SHANK2: variants seen among roughly 807,000 people sequenced by gnomAD.
The protein encoded by SHANK2 is SH3 and multiple ankyrin repeat domains protein 2.
Under a neutral mutation model 133.7 loss-of-function variants are expected in SHANK2, and 43 were observed. The ratio of observed to expected loss-of-function variants is 0.32; its 90% CI spans 0.25 to 0.41. The LOEUF (loss-of-function observed/expected upper bound fraction) is 0.41. Ranked by LOEUF, SHANK2 falls within the 10% of genes least tolerant of loss-of-function variation. The pLI, the probability that SHANK2 is intolerant of heterozygous loss-of-function variation, is 1.00. For missense variants in SHANK2, 1,994 were observed against 2,235.8 expected, an observed-to-expected ratio of 0.89 and a Z score of 2.18; for synonymous variants, 1,017 against 952.8, an observed-to-expected ratio of 1.07 and a Z score of -1.24.
intron 10 of SHANK2, among the ~76,000 whole-genome samples, chr11:70,928,820 A>T (rs1555082044): frequency 6.6e-6 from 1 of 152,120 alleles, no homozygotes; most frequent in African/African-American, 2.4e-5. Context: ...CTGCCTTCAA[A>T]CCCCCACACC....
intron 14 of SHANK2, among the ~76,000 whole-genome samples, chr11:70,789,878 C>T (rs782314684): frequency 6.6e-6 from 1 of 152,198 alleles, no homozygotes; most frequent in Non-Finnish European, 1.5e-5. Flanking sequence ...GAATGGTGCT[C>T]ACTGATAGTC....
At position 70,801,624 on chromosome 11, in the gene SHANK2, G is replaced by A. The variant is rs142931979; in HGVS notation, c.1664-3068C>T. On this transcript the variant is annotated intron_variant, in intron 13 of 25. Transcript: ENST00000601538. ...AGACTCCACACCCTGGGTAAGAAGA[G>A]GTGGAGGAGAAGAGGAAGTCCCCAT... Among the ~76,000 whole-genome samples, 43 of 152,316 alleles carry A rather than the reference G, an allele frequency of 2.8e-4. No homozygotes were observed. In the East Asian group the frequency reaches 4.6e-3, roughly 16 times the overall value.
intron 12 of SHANK2, among the ~76,000 whole-genome samples, chr11:70,809,184 G>A (rs1383114748): frequency 6.6e-6 from 1 of 152,226 alleles, no homozygotes; most frequent in Non-Finnish European, 1.5e-5. Flanking sequence ...AGAAAGACAG[G>A]GAAAGTGTCC....
At chr11:70,732,961 G>T (rs1352725988) in intron 14 of SHANK2, among the ~76,000 whole-genome samples, 3 of 152,254 alleles carry the variant, frequency 2.0e-5, no homozygotes, top group Non-Finnish European at 4.4e-5. Flanking sequence ...ATAGTGCTCT[G>T]TGGAATGAAT....
At chr11:70,638,027 C>A (rs1168409279) in intron 17 of SHANK2, among the ~76,000 whole-genome samples, 1 of 152,224 alleles carries the variant, frequency 6.6e-6, no homozygotes, top group Admixed American at 6.5e-5. Context: ...TGCTCACCAA[C>A]CAGCAGGAAG....
At chr11:70,561,091 C>A (rs2059904176) in intron 17 of SHANK2, among the ~76,000 whole-genome samples, 1 of 152,192 alleles carries the variant, frequency 6.6e-6, no homozygotes, top group East Asian at 1.9e-4. Context: ...AGGATTCTTC[C>A]TCTCTCATTT....
chr11:70,509,559 C>G (rs2059174715), intron 17 of SHANK2, among the ~76,000 whole-genome samples: 1 of 152,240 alleles, frequency 6.6e-6, no homozygotes, highest in Non-Finnish European at 1.5e-5. Flanking sequence ...CAGCTTTCCT[C>G]AGCTCCCCTG....
chr11:70,515,108 G>A (rs1358510478), intron 17 of SHANK2, among the ~76,000 whole-genome samples: 1 of 152,116 alleles, frequency 6.6e-6, no homozygotes, highest in Non-Finnish European at 1.5e-5. Flanking sequence ...TGGTGTGATC[G>A]TGACTCACTG....
chr11:70,870,979 T>C (rs1949450618), intron 11 of SHANK2, among the ~76,000 whole-genome samples: 1 of 152,186 alleles, frequency 6.6e-6, no homozygotes, highest in Non-Finnish European at 1.5e-5. Flanking sequence ...GGTTTCACCA[T>C]GTTGGCCAGG....
intron 9 of SHANK2, among the ~76,000 whole-genome samples, chr11:71,070,601 G>C (rs1951130507): frequency 6.6e-6 from 1 of 152,098 alleles, no homozygotes; most frequent in Non-Finnish European, 1.5e-5. Flanking sequence ...AGACAAATGG[G>C]GGAGAGGAGG....
At chr11:71,109,845 G>C (rs1181254312) in intron 6 of SHANK2, 96 bp downstream of exon 6, 1 of 760,866 alleles carries the variant, frequency 1.3e-6, no homozygotes, top group Non-Finnish European at 2.3e-6. Flanking sequence ...CAAGTAAAAG[G>C]TAACTGCAGC....
At chr11:70,556,595 T>TC (rs1233303145) in intron 17 of SHANK2, among the ~76,000 whole-genome samples, 3 of 149,120 alleles carry the variant, frequency 2.0e-5, no homozygotes, top group South Asian at 4.3e-4. Context: ...TTTTTCTTTT[T>TC]TTTTTTTTTT....
intron 17 of SHANK2, among the ~76,000 whole-genome samples, chr11:70,645,653 C>A (rs924776061): frequency 6.6e-6 from 1 of 152,172 alleles, no homozygotes; most frequent in Non-Finnish European, 1.5e-5. Context: ...TTGGAGGCAA[C>A]GCCACCTGCC....
At chr11:70,842,864 C>A (rs1012602507) in intron 11 of SHANK2, among the ~76,000 whole-genome samples, 2 of 152,202 alleles carry the variant, frequency 1.3e-5, no homozygotes, top group African/African-American at 4.8e-5. Flanking sequence ...TGAGCTTGCA[C>A]GGGGATCTGT....
At chr11:71,197,541 G>A (rs1324570136) in intron 2 of SHANK2, among the ~76,000 whole-genome samples, 4 of 152,178 alleles carry the variant, frequency 2.6e-5, no homozygotes, top group African/African-American at 9.7e-5. Flanking sequence ...TCTCCATCTG[G>A]GCAAATCCCA....
chr11:70,643,099 C>T (rs2061207965), intron 17 of SHANK2, among the ~76,000 whole-genome samples: 1 of 152,174 alleles, frequency 6.6e-6, no homozygotes, highest in South Asian at 2.1e-4. Context: ...GCTGAGCCCC[C>T]TGTGACTCAC....
chr11:70,834,333 A>G (rs963303786), intron 11 of SHANK2, among the ~76,000 whole-genome samples: 3 of 152,238 alleles, frequency 2.0e-5, no homozygotes. Flanking sequence ...AGGTGGCTCT[A>G]ACTCTGGTCA....
Position 70,469,624 on chromosome 11 carries a change from A to G in SHANK2, c.*3245T>C, listed in dbSNP as rs78378706. On this transcript the variant is annotated 3_prime_UTR_variant, in exon 26 of 26. Transcript: ENST00000601538. ...TGTTACACAAACTATAGTGTGAAACATATTAGTATTTAAAAAACAAAAAAA... is the reference window on the plus strand; with the variant it reads ...TGTTACACAAACTATAGTGTGAAACGTATTAGTATTTAAAAAACAAAAAAA... The G allele has an allele frequency of 0.012, 1,871 of 152,646 alleles. 24 individuals carry two copies. Among genetic ancestry groups the G allele is most frequent in the Non-Finnish European group, 0.017 (1,135 of 68,032 alleles). The allele number at this position is 152,646 out of a possible 1,614,324, so 9.5% of individuals were successfully genotyped here.
chr11:70,791,289 G>T (rs1947781315), intron 14 of SHANK2, among the ~76,000 whole-genome samples: 1 of 152,180 alleles, frequency 6.6e-6, no homozygotes, highest in East Asian at 1.9e-4. Context: ...GGGCACAGGT[G>T]TCCCTGCCCT....
Sources: allele counts gnomAD v4.1 joint callset (sites outside exome capture counted in the v4.1 genomes callset), GRCh38; gene constraint gnomAD v4.1.1; transcripts MANE v1.5; gene names NCBI Gene and HGNC (gene_info 2026-07-23, HGNC 2026-07-21).